FRMD5: variants seen among roughly 807,000 people sequenced by gnomAD.
FRMD5 encodes the protein FERM domain-containing protein 5.
In FRMD5, 20 loss-of-function variants were observed where a neutral mutation model predicts 69.0. The ratio of observed to expected loss-of-function variants is 0.29; its 90% CI spans 0.20 to 0.42. The LOEUF is 0.42. Among genes scored for constraint, FRMD5 ranks in the 10% least tolerant of loss-of-function variants. The probability of loss-of-function intolerance (pLI) is 1.00; values close to 1 mark genes in which losing one functional copy is unlikely to be tolerated. For synonymous variants in FRMD5, 271 were observed against 260.1 expected (o/e 1.04, Z -0.40); for missense variants, 595 against 708.6 (o/e 0.84, Z 1.82).
At chr15:43,984,635 AGAT>A (rs1889296261) in intron 1 of FRMD5, among the ~76,000 whole-genome samples, 1 of 152,216 alleles carries the variant, frequency 6.6e-6, no homozygotes, top group South Asian at 2.1e-4. Context: ...AGTTTGAAAA[AGAT>A]GATGATGAAC....
intron 1 of FRMD5, among the ~76,000 whole-genome samples, chr15:44,131,648 T>C (rs2706492): frequency 0.82 from 124,694 of 152,170 alleles, 53,620 homozygotes; most frequent in Non-Finnish European, 0.94. Flanking sequence ...CTAATATAGA[T>C]GAACCTTGAA....
intron 1 of FRMD5, among the ~76,000 whole-genome samples, chr15:43,959,643 C>A (rs921520763): frequency 1.3e-5 from 2 of 152,168 alleles, no homozygotes; most frequent in Non-Finnish European, 2.9e-5. Context: ...CCTTCCAGGG[C>A]TAATACTCCA....
intron 1 of FRMD5, among the ~76,000 whole-genome samples, chr15:44,045,498 A>C (rs183826666): frequency 3.3e-5 from 5 of 152,346 alleles, no homozygotes; most frequent in Admixed American, 6.5e-5. Flanking sequence ...CAATTAAAAA[A>C]AGCAAAAACA....
intron 1 of FRMD5, among the ~76,000 whole-genome samples, chr15:44,158,963 T>C (rs1010237160): frequency 2.6e-5 from 4 of 152,060 alleles, no homozygotes; most frequent in Non-Finnish European, 1.5e-5. Flanking sequence ...CAGCATGGCA[T>C]AGGAAGACAA....
At chr15:44,149,701 T>G (rs1456502026) in intron 1 of FRMD5, among the ~76,000 whole-genome samples, 4 of 152,086 alleles carry the variant, frequency 2.6e-5, no homozygotes, top group Admixed American at 6.6e-5. Context: ...AGCAAGAAGA[T>G]GTAACAATTA....
At position 44,115,286 on chromosome 15, in the gene FRMD5, A is replaced by C. The variant is rs1456495973; in HGVS notation, c.102+79667T>G. Among the ~76,000 whole-genome samples, 5 of 152,238 alleles carry C rather than the reference A, an allele frequency of 3.3e-5. No homozygotes were observed. The East Asian group carries it at 9.6e-4, about 29-fold the overall frequency. ...ATGTAATACATGTAATAAGCCAGTA[A>C]TAAATTCTGTTATCAACATCAACTT... On this transcript the variant is annotated intron_variant, in intron 1 of 13. Transcript: ENST00000417257.
At chr15:43,972,039 A>T (rs1044072460) in intron 1 of FRMD5, among the ~76,000 whole-genome samples, 171 of 147,642 alleles carry the variant, frequency 1.2e-3, no homozygotes, top group Non-Finnish European at 1.7e-3. Context: ...CTATTAAAAA[A>T]ATATATATTT....
chr15:44,068,108 G>A (rs999782297), intron 1 of FRMD5, among the ~76,000 whole-genome samples: 5 of 152,176 alleles, frequency 3.3e-5, no homozygotes, highest in Admixed American at 1.3e-4. Flanking sequence ...TGCTAAGAGT[G>A]CAAAGAAACT....
chr15:43,938,075 C>A (rs534494126), intron 1 of FRMD5, among the ~76,000 whole-genome samples: 223 of 151,798 alleles, frequency 1.5e-3, no homozygotes, highest in Middle Eastern at 3.4e-3. Context: ...ACTAAAAACA[C>A]AAAAAATTAG....
chr15:43,978,645 G>A (rs866997957), intron 1 of FRMD5, among the ~76,000 whole-genome samples: 10 of 152,200 alleles, frequency 6.6e-5, no homozygotes, highest in South Asian at 2.1e-4. Context: ...TTCACCTCCC[G>A]GGTTCAAGTG....
chr15:44,194,355 A>T (rs1163592701), intron 1 of FRMD5: 1 of 155,884 alleles, frequency 6.4e-6, no homozygotes, highest in East Asian at 1.9e-4. Context: ...AAATTTGGGG[A>T]TCAAAAGGCG....
chr15:43,930,420 C>T (rs2089654792), intron 1 of FRMD5, among the ~76,000 whole-genome samples: 1 of 152,210 alleles, frequency 6.6e-6, no homozygotes, highest in Non-Finnish European at 1.5e-5. Flanking sequence ...ACTCTCAGAA[C>T]TCAGCCATCA....
Position 44,098,120 on chromosome 15 carries a change from A to AAAAAAAAC in FRMD5, c.102+96832_102+96833insGTTTTTTT, listed in dbSNP as rs1555403631. ...AAAAGTTCAGAGTGACAAAACAAAA[A>AAAAAAAAC]AAAAAAAACTAAACAACAACAACAA... On this transcript the variant is annotated intron_variant, in intron 1 of 13. Coordinates refer to ENST00000417257, the MANE Select transcript of FRMD5 (RefSeq NM_032892.5). Among the ~76,000 whole-genome samples the AAAAAAAAC allele has an allele frequency of 7.4e-3, 1,052 of 142,206 alleles. 11 individuals are homozygous for AAAAAAAAC. The highest frequency in any genetic ancestry group is 0.02 in the African/African-American group (756 of 38,546). 93.3% of individuals were successfully genotyped at this position (142,206 alleles called of 152,430 possible).
At chr15:44,183,926 G>A (rs1315093305) in intron 1 of FRMD5, among the ~76,000 whole-genome samples, 1 of 151,200 alleles carries the variant, frequency 6.6e-6, no homozygotes, top group Non-Finnish European at 1.5e-5. Context: ...AGGTTGCAGT[G>A]AGTCAAGATT....
chr15:44,153,956 G>C (rs1327861052), intron 1 of FRMD5, among the ~76,000 whole-genome samples: 1 of 151,874 alleles, frequency 6.6e-6, no homozygotes, highest in Non-Finnish European at 1.5e-5. Context: ...TGACGACAGG[G>C]CAAGTCTTAA....
intron 1 of FRMD5, among the ~76,000 whole-genome samples, chr15:44,100,273 T>A (rs928890358): frequency 6.6e-6 from 1 of 151,522 alleles, no homozygotes; most frequent in African/African-American, 2.4e-5. Context: ...TCCAGGCTGG[T>A]CTTGAGCTCC....
chr15:43,941,982 C>T (rs896909085), intron 1 of FRMD5, among the ~76,000 whole-genome samples: 1 of 152,288 alleles, frequency 6.6e-6, no homozygotes, highest in East Asian at 1.9e-4. Flanking sequence ...GTCAAATTAG[C>T]CATGACAGCT....
chr15:44,185,426 C>T (rs2078082530), intron 1 of FRMD5, among the ~76,000 whole-genome samples: 1 of 152,210 alleles, frequency 6.6e-6, no homozygotes, highest in African/African-American at 2.4e-5. Flanking sequence ...TTCCAGGCAT[C>T]ATTGCCAATC....
intron 1 of FRMD5, among the ~76,000 whole-genome samples, chr15:44,094,430 C>A (rs747800139): frequency 1.3e-5 from 2 of 152,038 alleles, no homozygotes; most frequent in Non-Finnish European, 2.9e-5. Flanking sequence ...AAGGCTAGCT[C>A]GAGTTCTTCT....
Sources: gnomAD v4.1 joint callset for allele counts (sites outside exome capture counted in the v4.1 genomes callset) on GRCh38, gnomAD v4.1.1 for gene constraint, MANE v1.5 for transcripts, NCBI Gene and HGNC (gene_info 2026-07-23, HGNC 2026-07-21) for gene names.